The following PALLD variants were observed in gnomAD, a reference collection of about 807,000 sequenced individuals.
The protein encoded by PALLD is palladin.
PALLD carries 61 observed loss-of-function variants against 123.5 expected under a neutral mutation model. The ratio of observed to expected loss-of-function variants is 0.49; its 90% confidence interval spans 0.40 to 0.61. The LOEUF (loss-of-function observed/expected upper bound fraction) is 0.61. Among genes scored for constraint, PALLD ranks in the 20% least tolerant of loss-of-function variants. The probability of loss-of-function intolerance (pLI) is 0.00; values close to 1 mark genes in which losing one functional copy is unlikely to be tolerated. For missense variants in PALLD, 1,273 were observed against 1,377.0 expected (o/e 0.92, Z 1.20); for synonymous variants, 465 against 496.4 (o/e 0.94, Z 0.84).
chr4:168,721,726 T>C (rs910889905), intron 10 of PALLD, among the ~76,000 whole-genome samples: 12 of 152,238 alleles, frequency 7.9e-5, no homozygotes, highest in Non-Finnish European at 1.8e-4. Context: ...TGGATGCTTC[T>C]TGTTAAATAA....
At chr4:168,665,414 G>C (rs1164773999) in intron 2 of PALLD, among the ~76,000 whole-genome samples, 1 of 152,194 alleles carries the variant, frequency 6.6e-6, no homozygotes, top group Non-Finnish European at 1.5e-5. Flanking sequence ...TGGCATGCGA[G>C]GGACCAGAGG....
intron 15 of PALLD, among the ~76,000 whole-genome samples, chr4:168,911,931 C>A (rs1759049659): frequency 6.6e-6 from 1 of 151,992 alleles, no homozygotes; most frequent in South Asian, 2.1e-4. Context: ...TTTGTGATGA[C>A]CTCTCTTTGG....
chr4:168,765,006 G>T (rs1442361096), intron 10 of PALLD, among the ~76,000 whole-genome samples: 1 of 152,180 alleles, frequency 6.6e-6, no homozygotes, highest in Non-Finnish European at 1.5e-5. Context: ...AAACAGGAAA[G>T]AACATGATTT....
chr4:168,676,289 G>A (rs1780824603), intron 3 of PALLD, among the ~76,000 whole-genome samples: 1 of 151,636 alleles, frequency 6.6e-6, no homozygotes, highest in South Asian at 2.1e-4. Context: ...ATAAAGTTAT[G>A]TGTCACTGAC....
Position 168,926,328 on chromosome 4 carries a change from G to A in PALLD, c.*148G>A. 1.3e-6 allele frequency: 2 copies of A among 1,537,318 alleles called. No individual in the cohort carries two copies. The highest frequency in any genetic ancestry group is 1.7e-6 in the Non-Finnish European group (2 of 1,146,850). On this transcript the variant is annotated 3_prime_UTR_variant, in exon 22 of 22. Coordinates refer to ENST00000505667, the MANE Select transcript of PALLD (RefSeq NM_001166108.2). The stretch of plus-strand genomic sequence containing the variant: ...ACATCAAAGCAGCGTTCCAACCTGA[G>A]GCCAACCCATCTCACCTGACACTGA...
At chr4:168,590,914 T>G (rs556425959) in intron 2 of PALLD, among the ~76,000 whole-genome samples, 1 of 145,454 alleles carries the variant, frequency 6.9e-6, no homozygotes, top group East Asian at 2.2e-4. Context: ...AGTTTCACTC[T>G]TGTTGCCCAG....
At chr4:168,892,095 C>T (rs1159396949) in intron 11 of PALLD, among the ~76,000 whole-genome samples, 2 of 152,146 alleles carry the variant, frequency 1.3e-5, no homozygotes, top group African/African-American at 4.8e-5. Context: ...AGTCTTTCCT[C>T]ATCAGTTTTT....
At chr4:168,653,351 G>T (rs996161553) in intron 2 of PALLD, among the ~76,000 whole-genome samples, 1 of 152,218 alleles carries the variant, frequency 6.6e-6, no homozygotes, top group African/African-American at 2.4e-5. Context: ...AAAAAGGCAG[G>T]TGTGTAAATA....
chr4:168,601,522 G>A (rs1350733325), intron 2 of PALLD, among the ~76,000 whole-genome samples: 1 of 151,962 alleles, frequency 6.6e-6, no homozygotes, highest in African/African-American at 2.4e-5. Context: ...AGGACTTTGG[G>A]CTTACTCTAG....
At chr4:168,878,569 A>T (rs368842083) in intron 10 of PALLD, among the ~76,000 whole-genome samples, 1 of 151,980 alleles carries the variant, frequency 6.6e-6, no homozygotes, top group East Asian at 1.9e-4. Flanking sequence ...TGACTCAGTG[A>T]TTCTTGCGTA....
At chr4:168,514,154 G>GA (rs1762783823) in intron 2 of PALLD, among the ~76,000 whole-genome samples, 1 of 151,900 alleles carries the variant, frequency 6.6e-6, no homozygotes, top group African/African-American at 2.4e-5. Flanking sequence ...ATTTGATTTG[G>GA]AAAAAAATGG....
At chr4:168,532,843 A>C (rs2149486098) in intron 2 of PALLD, among the ~76,000 whole-genome samples, 1 of 152,306 alleles carries the variant, frequency 6.6e-6, no homozygotes, top group African/African-American at 2.4e-5. Context: ...CATTAGAAGA[A>C]AATTAGCTTT....
chr4:168,629,904 A>G (rs1423477626), intron 2 of PALLD, among the ~76,000 whole-genome samples: 1 of 152,216 alleles, frequency 6.6e-6, no homozygotes, highest in Non-Finnish European at 1.5e-5. Flanking sequence ...AAGCAGGACC[A>G]GTAAAAGGAG....
At chr4:168,885,495 G>A (rs1465287375) in intron 10 of PALLD, 2 of 152,144 alleles carry the variant, frequency 1.3e-5, no homozygotes, top group Admixed American at 1.3e-4. Flanking sequence ...TGCCATTTTT[G>A]TAAGTTAAAA....
At chr4:168,638,992 C>G (rs935190400) in intron 2 of PALLD, among the ~76,000 whole-genome samples, 1 of 152,168 alleles carries the variant, frequency 6.6e-6, no homozygotes, top group Admixed American at 6.5e-5. Context: ...CATTCTCTTC[C>G]CCACCTTTCT....
At chr4:168,787,371 A>G (rs987839336) in intron 10 of PALLD, among the ~76,000 whole-genome samples, 3 of 152,212 alleles carry the variant, frequency 2.0e-5, no homozygotes, top group African/African-American at 7.2e-5. Context: ...TTGATTTATA[A>G]TAAGTGCGGT....
chr4:168,913,995 T>C lies in PALLD; in HGVS notation c.2691T>C (p.Ser897=). ...AVNQRGRSPR[S]PSGHPHVRRP... ...ACCAAAGAGGTCGAAGTCCCCGGTC[T>C]CCCTCAGGCCATCCTCATGTCAGAA... The change falls in exon 16 of 22, where the codon TCT becomes TCC. Residue 897 remains serine (S), a synonymous_variant. Transcript: ENST00000505667. The C allele has an allele frequency of 1.2e-6, 2 of 1,610,536 alleles. No individual in the cohort carries two copies. Among genetic ancestry groups the C allele is most frequent in the African/African-American group, 2.7e-5 (2 of 74,938 alleles).
rs567580817 is a variant in PALLD, at chr4:168,773,093, G to A, written c.1964+61170G>A. Among the ~76,000 whole-genome samples the A allele has an allele frequency of 2.7e-3, 412 of 152,334 alleles. 3 individuals are homozygous for A. The highest frequency in any genetic ancestry group is 9.2e-3 in the African/African-American group (381 of 41,578). On this transcript the variant is annotated intron_variant, in intron 10 of 21. Coordinates refer to ENST00000505667, the MANE Select transcript of PALLD (RefSeq NM_001166108.2). ...ATTCTCTCAAGAGTTTAGAGTAGGA[G>A]AGGATTTTAGAACATGATAGTAACA... is the stretch of plus-strand genomic sequence containing the variant.
At chr4:168,809,816 A>C (rs549067145) in intron 10 of PALLD, among the ~76,000 whole-genome samples, 74 of 151,000 alleles carry the variant, frequency 4.9e-4, no homozygotes, top group African/African-American at 1.8e-3. Flanking sequence ...GTGAGCTGAG[A>C]TTGTGCCACT....
Sources: gnomAD v4.1 joint callset for allele counts (sites outside exome capture counted in the v4.1 genomes callset) on GRCh38, gnomAD v4.1.1 for gene constraint, MANE v1.5 for transcripts, NCBI Gene and HGNC (gene_info 2026-07-23, HGNC 2026-07-21) for gene names.